TCF4: variants seen among roughly 807,000 people sequenced by gnomAD.
TCF4 encodes the protein SL3-3 enhancer factor 2.
Under a neutral mutation model 82.1 loss-of-function variants are expected in TCF4, and 3 were observed. The ratio of observed to expected loss-of-function variants is 0.04; its 90% confidence interval spans 0.02 to 0.09. TCF4 has a LOEUF of 0.09. Ranked by LOEUF, TCF4 falls within the 10% of genes least tolerant of loss-of-function variation. The probability of loss-of-function intolerance (pLI) is 1.00; values close to 1 mark genes in which losing one functional copy is unlikely to be tolerated. For synonymous variants in TCF4, 276 were observed against 309.6 expected (o/e 0.89, Z 1.14); for missense variants, 518 against 852.7 (o/e 0.61, Z 4.89).
chr18:55,455,001 A>G (rs2095707779), intron 5 of TCF4, among the ~76,000 whole-genome samples: 1 of 152,052 alleles, frequency 6.6e-6, no homozygotes, highest in Admixed American at 6.6e-5. Context: ...AGCCTGGCTA[A>G]CATGGTAAAA....
chr18:55,270,359 T>C lies in TCF4; in HGVS notation c.790-396A>G, dbSNP rs957826769. ...CTATATAATGAATAAAACAACATTA[T>C]GATCCACAGGGCTTATATTACATTT... On this transcript the variant is annotated intron_variant, in intron 10 of 19. Coordinates refer to ENST00000354452, the MANE Select transcript of TCF4 (RefSeq NM_001083962.2). Among the ~76,000 whole-genome samples the C allele has an allele frequency of 5.3e-5, 8 of 152,272 alleles. No individual in the cohort carries two copies. The South Asian group carries it at 6.2e-4, about 12-fold the overall frequency.
intron 11 of TCF4, chr18:55,264,485 G>A (rs1278097724): frequency 1.3e-5 from 2 of 152,074 alleles, no homozygotes; most frequent in African/African-American, 4.8e-5. Flanking sequence ...AACATGTTAA[G>A]CTACATGAGT....
At chr18:55,418,023 G>A (rs2094582932) in intron 5 of TCF4, among the ~76,000 whole-genome samples, 1 of 151,450 alleles carries the variant, frequency 6.6e-6, no homozygotes, top group South Asian at 2.1e-4. Flanking sequence ...GTGTGTGTGT[G>A]TGTGTGTGTG....
chr18:55,359,358 C>T (rs951782460), intron 6 of TCF4, among the ~76,000 whole-genome samples: 2 of 152,078 alleles, frequency 1.3e-5, no homozygotes, highest in African/African-American at 4.8e-5. Context: ...CGTTTCCTTC[C>T]ACTTCATCTG....
intron 11 of TCF4, among the ~76,000 whole-genome samples, chr18:55,263,508 G>A (rs2058478475): frequency 6.6e-6 from 1 of 152,146 alleles, no homozygotes; most frequent in Non-Finnish European, 1.5e-5. Context: ...GGCTAAGGCA[G>A]GAGAATCGCT....
At chr18:55,553,203 T>G (rs2097275023) in intron 3 of TCF4, 1 of 152,220 alleles carries the variant, frequency 6.6e-6, no homozygotes, top group South Asian at 2.1e-4. Flanking sequence ...ATATCATATA[T>G]ACATACATAG....
chr18:55,512,569 T>C (rs1488716343), intron 3 of TCF4, among the ~76,000 whole-genome samples: 1 of 152,244 alleles, frequency 6.6e-6, no homozygotes, highest in Non-Finnish European at 1.5e-5. Flanking sequence ...TAGCTGTATA[T>C]ATATGTGTAT....
intron 8 of TCF4, 147 bp downstream of exon 8, chr18:55,350,212 G>T (rs1421642931): frequency 6.3e-6 from 5 of 790,726 alleles, no homozygotes; most frequent in Non-Finnish European, 8.6e-6. Flanking sequence ...CAGGTGGCTG[G>T]ATGTGCAGGT....
At chr18:55,239,121 T>C (rs1481681835) in intron 15 of TCF4, among the ~76,000 whole-genome samples, 1 of 152,244 alleles carries the variant, frequency 6.6e-6, no homozygotes, top group Non-Finnish European at 1.5e-5. Context: ...CTGTGTGAAT[T>C]TGTCAATGGA....
chr18:55,316,877 T>C (rs1481956037), intron 8 of TCF4, among the ~76,000 whole-genome samples: 2 of 152,002 alleles, frequency 1.3e-5, no homozygotes, highest in South Asian at 4.2e-4. Context: ...AACACTATAT[T>C]TAAAATGCTT....
At chr18:55,319,784 G>A (rs552221702) in intron 8 of TCF4, among the ~76,000 whole-genome samples, 1 of 152,216 alleles carries the variant, frequency 6.6e-6, no homozygotes, top group South Asian at 2.1e-4. Flanking sequence ...CAACTGGCAA[G>A]CTGTGGGAAT....
chr18:55,438,360 C>T (rs1033006552), intron 5 of TCF4, among the ~76,000 whole-genome samples: 2 of 151,946 alleles, frequency 1.3e-5, no homozygotes, highest in Non-Finnish European at 2.9e-5. Context: ...ATGTTAGTAC[C>T]CCCTCAATAA....
At chr18:55,233,385 T>A (rs1019473275) in intron 16 of TCF4, among the ~76,000 whole-genome samples, 1 of 152,212 alleles carries the variant, frequency 6.6e-6, no homozygotes, top group Non-Finnish European at 1.5e-5. Flanking sequence ...TCATCATCTG[T>A]GAGCCCATTA....
intron 6 of TCF4, chr18:55,402,388 T>C (rs2093873026): frequency 5.0e-6 from 1 of 200,386 alleles, no homozygotes; most frequent in African/African-American, 2.4e-5. Context: ...TTCAGGGGTA[T>C]ATTAAATGGG....
chr18:55,248,318 T>A (rs1009603995), intron 15 of TCF4, among the ~76,000 whole-genome samples: 1 of 152,238 alleles, frequency 6.6e-6, no homozygotes, highest in Non-Finnish European at 1.5e-5. Flanking sequence ...TGACCACCAA[T>A]AGCTTCGCTG....
chr18:55,538,392 C>T (rs191615997), intron 3 of TCF4, among the ~76,000 whole-genome samples: 11 of 152,268 alleles, frequency 7.2e-5, no homozygotes, highest in Admixed American at 2.6e-4. Flanking sequence ...AGGATCCTTT[C>T]AAGGCTCTCT....
chr18:55,388,779 A>G (rs894942594), intron 6 of TCF4, among the ~76,000 whole-genome samples: 1 of 152,164 alleles, frequency 6.6e-6, no homozygotes, highest in Non-Finnish European at 1.5e-5. Flanking sequence ...CAGAGTGAAA[A>G]CAAATCTCTC....
rs2057113624 is a variant in TCF4 at position 55,257,385 on chromosome 18, G to A, written c.1076C>T (p.Thr359Ile). ...TCCTCCATTTCTAGACCAAACAGCT[G>A]TGCCTGCTGATATTAAAGTGGGAAT... ...VGSPPSLSAG[T>I]AVWSRNGGQA... Residue 359 changes from threonine to isoleucine, a missense_variant, in exon 14 of 20, where the codon ACA (threonine) becomes ATA (isoleucine). By Grantham distance (89) the Thr-to-Ile change is moderately conservative (BLOSUM62 -1). This residue lies in a region of TCF4 where 211 missense variants were observed against 327.4 expected (regional missense o/e 0.64). Transcript: ENST00000354452. The A allele has an allele frequency of 6.2e-7, 1 of 1,613,652 alleles. No homozygotes were observed. The highest frequency in any genetic ancestry group is 1.1e-5 in the South Asian group (1 of 91,066).
At chr18:55,606,658 T>G (rs529483663) in intron 2 of TCF4, among the ~76,000 whole-genome samples, 4 of 152,152 alleles carry the variant, frequency 2.6e-5, no homozygotes, top group South Asian at 2.1e-4. Context: ...AGGGTAAATA[T>G]TTTTCCAGGC....
Sources: allele counts gnomAD v4.1 joint callset (sites outside exome capture counted in the v4.1 genomes callset), GRCh38; gene constraint gnomAD v4.1.1; regional missense constraint gnomAD v4.1.1; transcripts MANE v1.5; gene names NCBI Gene and HGNC (gene_info 2026-07-23, HGNC 2026-07-21).